The following CPVL variants were observed in gnomAD, a reference collection of about 807,000 sequenced individuals.
CPVL encodes probable serine carboxypeptidase CPVL.
A neutral mutation model predicts 63.7 loss-of-function variants in CPVL; 51 were observed. The ratio of observed to expected loss-of-function variants is 0.80; its 90% confidence interval spans 0.64 to 1.01. The LOEUF (loss-of-function observed/expected upper bound fraction) is 1.01, where lower values mean the gene tolerates loss of function less well. CPVL is among the 50% of genes least tolerant of loss of function. CPVL has a pLI of 0.00. For missense variants in CPVL, 530 were observed against 573.1 expected, an observed-to-expected ratio of 0.92 and a Z score of 0.77; for synonymous variants, 195 against 206.0, an observed-to-expected ratio of 0.95 and a Z score of 0.46.
intron 1 of CPVL, among the ~76,000 whole-genome samples, chr7:29,129,749 G>T (rs1268108353): frequency 1.3e-5 from 2 of 152,086 alleles, no homozygotes; most frequent in Non-Finnish European, 2.9e-5. Context: ...TTACAGGTGT[G>T]AGCCACACTA....
At chr7:29,138,894 G>C (rs1052523005) in intron 1 of CPVL, among the ~76,000 whole-genome samples, 1 of 152,128 alleles carries the variant, frequency 6.6e-6, no homozygotes, top group Non-Finnish European at 1.5e-5. Context: ...TCAGCACAAG[G>C]CCAAATATTT....
intron 6 of CPVL, among the ~76,000 whole-genome samples, chr7:29,087,219 T>G (rs914120765): frequency 4.6e-5 from 7 of 151,444 alleles, no homozygotes; most frequent in Non-Finnish European, 1.0e-4. Flanking sequence ...AGGTCAGGAG[T>G]TCGAGACCAG....
intron 11 of CPVL, among the ~76,000 whole-genome samples, chr7:29,059,019 T>C (rs1449914981): frequency 1.3e-5 from 2 of 152,124 alleles, no homozygotes; most frequent in Non-Finnish European, 2.9e-5. Context: ...TTTCTTCTTG[T>C]TCTGGTATTC....
At chr7:29,176,423 G>A (rs1797352583) in intron 5 of CPVL, among the ~76,000 whole-genome samples, 1 of 152,118 alleles carries the variant, frequency 6.6e-6, no homozygotes, top group Non-Finnish European at 1.5e-5. Flanking sequence ...TTATTGGCAG[G>A]AAAACATGTC....
intron 5 of CPVL, among the ~76,000 whole-genome samples, chr7:29,179,212 C>A (rs1433307374): frequency 6.6e-6 from 1 of 152,198 alleles, no homozygotes. Flanking sequence ...TGGGAGAACC[C>A]TTCAGAAGGC....
intron 5 of CPVL, among the ~76,000 whole-genome samples, chr7:29,176,919 C>T (rs1797423381): frequency 6.6e-6 from 1 of 151,832 alleles, no homozygotes; most frequent in African/African-American, 2.4e-5. Context: ...GTTAAAATGC[C>T]TAGGTTAACT....
intron 5 of CPVL, among the ~76,000 whole-genome samples, chr7:29,169,253 A>G (rs1796298955): frequency 6.6e-6 from 1 of 152,208 alleles, no homozygotes; most frequent in Non-Finnish European, 1.5e-5. Context: ...TGCTGATATT[A>G]CCATTGTAGA....
At chr7:29,176,046 C>T (rs1463408871) in intron 5 of CPVL, among the ~76,000 whole-genome samples, 1 of 151,888 alleles carries the variant, frequency 6.6e-6, no homozygotes, top group African/African-American at 2.4e-5. Context: ...ATTAGCCAGG[C>T]GTGGTGGTGG....
intron 3 of CPVL, among the ~76,000 whole-genome samples, chr7:29,107,032 T>G (rs1393653445): frequency 1.3e-5 from 2 of 152,194 alleles, no homozygotes; most frequent in African/African-American, 4.8e-5. Context: ...CTTCCAAGGT[T>G]GGTACCCACT....
At chr7:29,061,339 G>A (rs181944121) in intron 11 of CPVL, among the ~76,000 whole-genome samples, 98 of 152,256 alleles carry the variant, frequency 6.4e-4, no homozygotes, top group Middle Eastern at 6.8e-3. Context: ...CTTGAACCCG[G>A]GATGTGGAGG....
intron 12 of CPVL, among the ~76,000 whole-genome samples, chr7:29,017,519 G>C (rs906915581): frequency 6.6e-6 from 1 of 152,190 alleles, no homozygotes; most frequent in African/African-American, 2.4e-5. Context: ...TGTAATCCCA[G>C]CTACTTGGGA....
chr7:29,153,554 C>T (rs948619664), intron 5 of CPVL, among the ~76,000 whole-genome samples: 2 of 152,042 alleles, frequency 1.3e-5, no homozygotes, highest in Non-Finnish European at 2.9e-5. Flanking sequence ...ACAGTAAATA[C>T]ATTTTCTCTC....
chr7:29,060,631 T>C (rs1208767785), intron 11 of CPVL, among the ~76,000 whole-genome samples: 1 of 152,218 alleles, frequency 6.6e-6, no homozygotes, highest in Admixed American at 6.5e-5. Context: ...GATTATGTTT[T>C]CACGTAGCTT....
chr7:29,169,309 C>G (rs1796305678), intron 5 of CPVL, among the ~76,000 whole-genome samples: 2 of 152,080 alleles, frequency 1.3e-5, no homozygotes, highest in African/African-American at 4.8e-5. Flanking sequence ...TAAAATATAT[C>G]ATCCTATTGA....
At chr7:29,035,879 C>G (rs1220435844) in intron 11 of CPVL, among the ~76,000 whole-genome samples, 1 of 152,148 alleles carries the variant, frequency 6.6e-6, no homozygotes, top group Non-Finnish European at 1.5e-5. Flanking sequence ...CCTCCTCTGG[C>G]AAAGGATAAG....
chr7:29,083,864 A>G (rs576761025), intron 7 of CPVL, among the ~76,000 whole-genome samples: 18 of 151,808 alleles, frequency 1.2e-4, no homozygotes, highest in South Asian at 2.1e-4. Context: ...AGGATCCCAC[A>G]CTGAGGTAGC....
chr7:29,063,878 T>A (rs1465302439), intron 11 of CPVL, among the ~76,000 whole-genome samples, 183 bp downstream of exon 11: 2 of 151,712 alleles, frequency 1.3e-5, no homozygotes, highest in Admixed American at 6.6e-5. Context: ...GCAAAAGTGG[T>A]TAAATTAAAA....
At chr7:29,094,904 C>T (rs539656573) in intron 5 of CPVL, among the ~76,000 whole-genome samples, 180 bp downstream of exon 5, 4 of 151,518 alleles carry the variant, frequency 2.6e-5, no homozygotes, top group Admixed American at 1.3e-4. Flanking sequence ...TGCCAAACTC[C>T]GATATGATTA....
chr7:29,132,907 T>C (rs963274326), intron 1 of CPVL, among the ~76,000 whole-genome samples: 5 of 152,196 alleles, frequency 3.3e-5, no homozygotes, highest in South Asian at 2.1e-4. Flanking sequence ...TCATCAGTCA[T>C]ACCCAGAATT....
Sources: allele counts gnomAD v4.1 joint callset (sites outside exome capture counted in the v4.1 genomes callset), GRCh38; gene constraint gnomAD v4.1.1; transcripts MANE v1.5; gene names NCBI Gene and HGNC (gene_info 2026-07-23, HGNC 2026-07-21).